The following TASP1 variants were observed in gnomAD, a reference collection of about 807,000 sequenced individuals.
TASP1 encodes taspase 1.
Under a neutral mutation model 56.6 loss-of-function variants are expected in TASP1, and 16 were observed. That is an observed-to-expected ratio of 0.28 (90% confidence interval 0.19 to 0.43). The LOEUF is 0.43. Among genes scored for constraint, TASP1 ranks in the 20% least tolerant of loss-of-function variants. The probability of loss-of-function intolerance (pLI) is 1.00; values close to 1 mark genes in which losing one functional copy is unlikely to be tolerated. For synonymous variants in TASP1, 179 were observed against 184.2 expected (o/e 0.97, Z 0.23); for missense variants, 393 against 511.6 (o/e 0.77, Z 2.24).
At chr20:13,532,229 A>G (rs2045249705) in intron 9 of TASP1, among the ~76,000 whole-genome samples, 1 of 152,200 alleles carries the variant, frequency 6.6e-6, no homozygotes, top group African/African-American at 2.4e-5. Flanking sequence ...CACCATCTGC[A>G]CTGCTATCAC....
intron 11 of TASP1, among the ~76,000 whole-genome samples, chr20:13,447,916 G>T (rs2043471482): frequency 6.6e-6 from 1 of 151,972 alleles, no homozygotes; most frequent in Non-Finnish European, 1.5e-5. Context: ...TCCCCAGTTG[G>T]TCATATATTT....
At chr20:13,357,762 G>A in the TASP1 span, among the ~76,000 whole-genome samples, 2 of 152,186 alleles carry the variant, frequency 1.3e-5, no homozygotes, top group African/African-American at 4.8e-5. Flanking sequence ...CTCAACAGTA[G>A]AATGGATTAA....
At chr20:13,267,329 G>A in the TASP1 span, among the ~76,000 whole-genome samples, 10 of 152,336 alleles carry the variant, frequency 6.6e-5, no homozygotes, top group Admixed American at 3.9e-4. Flanking sequence ...GGTTCGGAGA[G>A]ATGGAGAAAT....
chr20:13,526,075 G>A (rs1453987116), intron 10 of TASP1, among the ~76,000 whole-genome samples: 1 of 152,100 alleles, frequency 6.6e-6, no homozygotes, highest in Non-Finnish European at 1.5e-5. Context: ...CCCATTCCTT[G>A]CATTCTACTT....
chr20:13,529,840 G>A (rs894603426), intron 9 of TASP1, among the ~76,000 whole-genome samples: 46 of 152,050 alleles, frequency 3.0e-4, no homozygotes, highest in Non-Finnish European at 2.8e-4. Context: ...GAAATCATTC[G>A]CTCCAATATT....
At chr20:13,170,529 C>T in the TASP1 span, among the ~76,000 whole-genome samples, 17 of 152,200 alleles carry the variant, frequency 1.1e-4, no homozygotes, top group African/African-American at 3.9e-4. Flanking sequence ...GAAGTTATCA[C>T]AGATACAAAC....
intron 4 of TASP1, among the ~76,000 whole-genome samples, chr20:13,608,402 T>C (rs2048235135): frequency 6.6e-6 from 1 of 152,236 alleles, no homozygotes; most frequent in African/African-American, 2.4e-5. Flanking sequence ...TAAGAGTCAT[T>C]AATTCAACAA....
intron 4 of TASP1, among the ~76,000 whole-genome samples, chr20:13,596,507 G>A (rs1435628445): frequency 1.3e-5 from 2 of 152,098 alleles, no homozygotes; most frequent in Non-Finnish European, 2.9e-5. Flanking sequence ...CAACATACCA[G>A]AATCTCTGGG....
the TASP1 span, among the ~76,000 whole-genome samples, chr20:13,183,880 T>C: frequency 4.6e-5 from 7 of 151,680 alleles, no homozygotes; most frequent in African/African-American, 1.7e-4. Flanking sequence ...ATACAAAAAA[T>C]TAGCCGGGCA....
chr20:13,254,900 T>C, the TASP1 span, among the ~76,000 whole-genome samples: 1 of 152,346 alleles, frequency 6.6e-6, no homozygotes, highest in South Asian at 2.1e-4. Flanking sequence ...TCCTTTTCCA[T>C]CTATTCATTG....
chr20:13,434,848 G>T (rs998797304), intron 12 of TASP1, among the ~76,000 whole-genome samples, 196 bp downstream of exon 12: 2 of 152,124 alleles, frequency 1.3e-5, no homozygotes, highest in East Asian at 3.9e-4. Context: ...TTCTCTAAGT[G>T]TATACTTAAA....
At chr20:13,177,311 A>G in the TASP1 span, among the ~76,000 whole-genome samples, 1 of 152,148 alleles carries the variant, frequency 6.6e-6, no homozygotes, top group Non-Finnish European at 1.5e-5. Flanking sequence ...GATTGGAAGA[A>G]TTAATATTGT....
intron 10 of TASP1, among the ~76,000 whole-genome samples, chr20:13,492,477 G>A (rs766863156): frequency 1.3e-5 from 2 of 152,152 alleles, no homozygotes; most frequent in Non-Finnish European, 2.9e-5. Flanking sequence ...AGCCTGTCTT[G>A]TGAAATTAAA....
chr20:13,189,826 T>A, the TASP1 span, among the ~76,000 whole-genome samples: 1 of 152,130 alleles, frequency 6.6e-6, no homozygotes. Flanking sequence ...AAATAAATCA[T>A]TGTACCAAAA....
intron 7 of TASP1, among the ~76,000 whole-genome samples, chr20:13,562,915 ATGTGTGTGTGTGTGTGTG>A (rs199844282): frequency 7.8e-6 from 1 of 128,680 alleles, no homozygotes; most frequent in Non-Finnish European, 1.6e-5. Flanking sequence ...ACATATATAT[ATGTGTGTGTGTGTGTGTG>A]TGTGTGTGTG....
At chr20:13,340,064 A>G in the TASP1 span, among the ~76,000 whole-genome samples, 1 of 152,090 alleles carries the variant, frequency 6.6e-6, no homozygotes. Context: ...AAAAAGGCCA[A>G]TACTATCCAG....
chr20:13,133,563 G>C, the TASP1 span, among the ~76,000 whole-genome samples: 1 of 151,978 alleles, frequency 6.6e-6, no homozygotes, highest in Non-Finnish European at 1.5e-5. Context: ...GCAAAACCCC[G>C]TCTCTACTAA....
intron 4 of TASP1, chr20:13,614,799 T>G (rs1044698257): frequency 2.1e-6 from 1 of 469,580 alleles, no homozygotes; most frequent in Non-Finnish European, 4.4e-6. Context: ...TTAAACTTTG[T>G]TTTAGTTGGA....
At chr20:13,239,174 A>C in the TASP1 span, 1 of 152,244 alleles carries the variant, frequency 6.6e-6, no homozygotes, top group African/African-American at 2.4e-5. Flanking sequence ...CAGGTATTAA[A>C]TAGAAATAAT....
Sources: allele counts gnomAD v4.1 joint callset (sites outside exome capture counted in the v4.1 genomes callset), GRCh38; gene constraint gnomAD v4.1.1; transcripts MANE v1.5; gene names NCBI Gene and HGNC (gene_info 2026-07-23, HGNC 2026-07-21).